VAMP7: variants seen among roughly 807,000 people sequenced by gnomAD.
VAMP7 encodes vesicle-associated membrane protein 7.
VAMP7 carries 14 observed loss-of-function variants against 29.6 expected under a neutral mutation model. That is an observed-to-expected ratio of 0.47 (90% CI 0.31 to 0.74). The LOEUF is 0.74. Among genes scored for constraint, VAMP7 ranks in the 30% least tolerant of loss-of-function variants. The pLI, the probability that VAMP7 is intolerant of heterozygous loss-of-function variation, is 0.05. For synonymous variants in VAMP7, 95 were observed against 88.1 expected, an observed-to-expected ratio of 1.08 and a Z score of -0.44; for missense variants, 223 against 262.4, an observed-to-expected ratio of 0.85 and a Z score of 1.04.
At chrX:155,907,893 G>A (rs1199070988) in intron 5 of VAMP7, among the ~76,000 whole-genome samples, 3 of 152,088 alleles carry the variant, frequency 2.0e-5, no homozygotes, top group South Asian at 2.1e-4. Flanking sequence ...AGGGCGGCCG[G>A]GCAGCGACGC....
intron 2 of VAMP7, among the ~76,000 whole-genome samples, chrX:155,895,225 T>C (rs1177762878): frequency 6.6e-6 from 1 of 152,192 alleles, no homozygotes; most frequent in Non-Finnish European, 1.5e-5. Flanking sequence ...GTTGAGAATT[T>C]GGTAGAAAAG....
At chrX:155,933,578 A>G (rs1034084456) in intron 6 of VAMP7, among the ~76,000 whole-genome samples, 2 of 152,022 alleles carry the variant, frequency 1.3e-5, no homozygotes, top group African/African-American at 2.4e-5. Flanking sequence ...TATTGCGTCT[A>G]TTTGATTCTT....
At chrX:155,904,909 TA>T (rs2066126967) in intron 5 of VAMP7, among the ~76,000 whole-genome samples, 4 of 19,556 alleles carry the variant, frequency 2.0e-4, no homozygotes, top group African/African-American at 8.1e-4. Context: ...TTATATATTA[TA>T]TATATATATA....
chrX:155,938,755 G>T (rs1028439030), intron 6 of VAMP7, among the ~76,000 whole-genome samples: 6 of 152,130 alleles, frequency 3.9e-5, no homozygotes, highest in South Asian at 4.2e-4. Flanking sequence ...GGTCAAAGCT[G>T]CAGTGAGTCG....
At chrX:155,900,635 A>G in intron 5 of VAMP7, 48 bp downstream of exon 5, 1 of 1,501,490 alleles carries the variant, frequency 6.7e-7, no homozygotes. Flanking sequence ...AATGATAAAG[A>G]TTACTTGACT....
intron 5 of VAMP7, among the ~76,000 whole-genome samples, chrX:155,910,956 CTA>C (rs1324564607): frequency 6.6e-6 from 1 of 152,036 alleles, no homozygotes; most frequent in Non-Finnish European, 1.5e-5. Context: ...TCCTATTTGT[CTA>C]TTTTTCTTTT....
intron 6 of VAMP7, among the ~76,000 whole-genome samples, chrX:155,938,835 A>C (rs1346082602): frequency 6.6e-6 from 1 of 152,182 alleles, no homozygotes; most frequent in African/African-American, 2.4e-5. Flanking sequence ...AATAAAATAT[A>C]GCAGGTATTC....
rs913679141 is a variant in VAMP7 at position 155,883,772 on chromosome X, G to C, written c.-10+2324G>C. Among the ~76,000 whole-genome samples, 36 of 148,800 alleles carry C rather than the reference G, an allele frequency of 2.4e-4. 1 individual carries two copies. The highest frequency in any genetic ancestry group is 8.9e-4 in the African/African-American group (36 of 40,300). On this transcript the variant is annotated intron_variant, in intron 1 of 7. Coordinates refer to ENST00000286448, the MANE Select transcript of VAMP7 (RefSeq NM_005638.6). ...GTTGCCTGGGCTGGAGTGCAGCGGCGCGATCTCGGCTCACTGCAACCTCCG... is the reference window on the plus strand; with the variant it reads ...GTTGCCTGGGCTGGAGTGCAGCGGCCCGATCTCGGCTCACTGCAACCTCCG...
chrX:155,904,826 C>T (rs1276313590), intron 5 of VAMP7, among the ~76,000 whole-genome samples: 1 of 150,864 alleles, frequency 6.6e-6, no homozygotes, highest in Non-Finnish European at 1.5e-5. Flanking sequence ...CTCATTAGTT[C>T]ATGGTCTGGT....
At chrX:155,933,121 AT>A (rs1030704432) in intron 6 of VAMP7, among the ~76,000 whole-genome samples, 5 of 152,016 alleles carry the variant, frequency 3.3e-5, no homozygotes, top group African/African-American at 1.2e-4. Context: ...TTTATTGAAG[AT>A]TTTTGCGTCG....
At chrX:155,940,101 T>C (rs2066722224) in intron 7 of VAMP7, among the ~76,000 whole-genome samples, 1 of 152,188 alleles carries the variant, frequency 6.6e-6, no homozygotes, top group African/African-American at 2.4e-5. Context: ...TTGTTTTTAT[T>C]TTTAAATTAA....
At chrX:155,937,988 CT>C (rs2066687449) in intron 6 of VAMP7, among the ~76,000 whole-genome samples, 1 of 152,060 alleles carries the variant, frequency 6.6e-6, no homozygotes, top group Admixed American at 6.5e-5. Flanking sequence ...TTATGTTCTG[CT>C]TTTAAAAAAT....
chrX:155,920,779 C>G (rs2066383738), intron 6 of VAMP7, among the ~76,000 whole-genome samples: 2 of 152,108 alleles, frequency 1.3e-5, no homozygotes, highest in African/African-American at 2.4e-5. Context: ...TGTAAAGTGC[C>G]TAACACAGTA....
At position 155,920,189 on chromosome X, in the gene VAMP7, C is replaced by T. The variant is rs2066375154; in HGVS notation, c.501+309C>T. On this transcript the variant is annotated intron_variant, in intron 6 of 7. Coordinates refer to ENST00000286448, the MANE Select transcript of VAMP7 (RefSeq NM_005638.6). ...TCAACTGCATGTAACAGTCTGTTCC[C>T]TTTACAAATTTGTAAAACATGAAAC... is the stretch of plus-strand genomic sequence containing the variant. 3.9e-5 allele frequency among the ~76,000 whole-genome samples: 6 copies of T among 152,254 alleles called. No individual in the cohort carries two copies. The South Asian group carries it at 1.0e-3, about 26-fold the overall frequency.
At chrX:155,914,045 G>A (rs1306585611) in intron 5 of VAMP7, among the ~76,000 whole-genome samples, 1 of 152,066 alleles carries the variant, frequency 6.6e-6, no homozygotes, top group Non-Finnish European at 1.5e-5. Flanking sequence ...CTTGAGCAGT[G>A]GTTTGTCATT....
At chrX:155,882,123 C>T (rs2065809671) in intron 1 of VAMP7, among the ~76,000 whole-genome samples, 2 of 152,186 alleles carry the variant, frequency 1.3e-5, no homozygotes, top group South Asian at 4.2e-4. Flanking sequence ...CATTATCCCT[C>T]CCTTGATCCC....
rs763855733 is a variant in VAMP7 at position 155,898,122 on chromosome X, G to A, written c.215G>A (p.Arg72His). The A allele has an allele frequency of 2.4e-5, 39 of 1,608,164 alleles. No individual in the cohort carries two copies. The African/African-American group carries it at 4.5e-4, about 18-fold the overall frequency. ...TTGATCTCTTTTCAGGATTTTGAAC[G>A]TTCCCGAGCCTTTAATTTTCTGAAT... ...YLCITDDDFE[R>H]SRAFNFLNEI... is the part of the protein sequence containing the mutation. Residue 72 changes from arginine to histidine, a missense_variant, in exon 4 of 8, where the codon CGT becomes CAT. Coordinates refer to ENST00000286448, the MANE Select transcript of VAMP7 (RefSeq NM_005638.6).
At chrX:155,912,034 A>G (rs190779778) in intron 5 of VAMP7, among the ~76,000 whole-genome samples, 1,652 of 152,134 alleles carry the variant, frequency 0.011, 26 homozygotes, top group African/African-American at 0.038. Flanking sequence ...TTCCAGTACT[A>G]TGTTGAATAG....
chrX:155,903,185 A>C (rs2066093635), intron 5 of VAMP7, among the ~76,000 whole-genome samples: 2 of 152,138 alleles, frequency 1.3e-5, no homozygotes, highest in Non-Finnish European at 2.9e-5. Context: ...CTCTGATTGT[A>C]GTTTGTATTT....
Sources: gnomAD v4.1 joint callset for allele counts (sites outside exome capture counted in the v4.1 genomes callset) on GRCh38, gnomAD v4.1.1 for gene constraint, MANE v1.5 for transcripts, NCBI Gene and HGNC (gene_info 2026-07-23, HGNC 2026-07-21) for gene names.